The following SLC24A3 variants were observed in gnomAD, a reference collection of about 807,000 sequenced individuals.
SLC24A3 encodes the protein sodium/potassium/calcium exchanger 3.
SLC24A3 carries 28 observed loss-of-function variants against 75.8 expected under a neutral mutation model. The ratio of observed to expected loss-of-function variants is 0.37; its 90% confidence interval spans 0.27 to 0.51. The LOEUF is 0.51. Ranked by LOEUF, SLC24A3 falls within the 20% of genes least tolerant of loss-of-function variation. SLC24A3 has a pLI of 0.94. For missense variants in SLC24A3, 663 were observed against 847.8 expected (o/e 0.78, Z 2.71); for synonymous variants, 372 against 334.1 (o/e 1.11, Z -1.24).
intron 2 of SLC24A3, among the ~76,000 whole-genome samples, chr20:19,510,491 C>T (rs75845155): frequency 2.0e-5 from 3 of 152,110 alleles, no homozygotes; most frequent in Non-Finnish European, 4.4e-5. Flanking sequence ...AAGGAGGCTT[C>T]GGAGATGCTG....
chr20:19,248,280 G>A lies in SLC24A3; in HGVS notation c.143-32679G>A, dbSNP rs115466442. ...TTTCAAAGAGAATTCTGTGTGCCCC[G>A]CATCCCGTTCATCATGCTGCAGTAG... On this transcript the variant is annotated intron_variant, in intron 1 of 16. Coordinates refer to ENST00000328041, the MANE Select transcript of SLC24A3 (RefSeq NM_020689.4). 7.8e-3 allele frequency among the ~76,000 whole-genome samples: 1,187 copies of A among 152,208 alleles called. 19 individuals are homozygous for A. Among genetic ancestry groups the A allele is most frequent in the African/African-American group, 0.027 (1,137 of 41,526 alleles).
intron 15 of SLC24A3, among the ~76,000 whole-genome samples, chr20:19,706,381 A>C (rs564419636): frequency 6.6e-6 from 1 of 152,308 alleles, no homozygotes; most frequent in African/African-American, 2.4e-5. Context: ...AGGGCTGCCT[A>C]TACAGAAGTT....
At chr20:19,280,879 C>A in intron 1 of SLC24A3, 80 bp from the exon 2 acceptor site, 1 of 1,518,060 alleles carries the variant, frequency 6.6e-7, no homozygotes, top group South Asian at 1.3e-5. Flanking sequence ...GATGGCTGAT[C>A]AGGGCAGCGG....
intron 6 of SLC24A3, among the ~76,000 whole-genome samples, chr20:19,647,008 TC>T (rs1686521157): frequency 6.6e-6 from 1 of 152,164 alleles, no homozygotes; most frequent in South Asian, 2.1e-4. Flanking sequence ...AACCTGCATT[TC>T]TTTGTCTGGG....
At chr20:19,333,859 A>G (rs1985062555) in intron 2 of SLC24A3, among the ~76,000 whole-genome samples, 1 of 152,158 alleles carries the variant, frequency 6.6e-6, no homozygotes, top group Non-Finnish European at 1.5e-5. Context: ...TTTTGAATGT[A>G]GCCATAAGGT....
Position 19,721,206 on chromosome 20 carries a change from C to G in SLC24A3, c.*66C>G. On this transcript the variant is annotated 3_prime_UTR_variant, in exon 17 of 17. Transcript: ENST00000328041. ...TGCAATACGAGACCCGGCCGCACCC[C>G]GAGTCACACAGGCCCCCGGGGCCAC... 1 of 1,587,730 alleles carries G rather than the reference C, an allele frequency of 6.3e-7. No homozygotes were observed. Among genetic ancestry groups the G allele is most frequent in the Middle Eastern group, 1.7e-4 (1 of 5,850 alleles).
At chr20:19,682,062 G>C (rs1259611418) in intron 10 of SLC24A3, 71 bp downstream of exon 10, 2 of 1,508,270 alleles carry the variant, frequency 1.3e-6, no homozygotes, top group East Asian at 4.5e-5. Flanking sequence ...AGACCAGCCT[G>C]GCCAACATGG....
At chr20:19,317,036 T>G (rs954012768) in intron 2 of SLC24A3, among the ~76,000 whole-genome samples, 3 of 151,924 alleles carry the variant, frequency 2.0e-5, no homozygotes, top group African/African-American at 4.8e-5. Flanking sequence ...CCATCTGACC[T>G]TTGACAAACC....
chr20:19,677,468 T>TCTGCAGAATTTTGA (rs2032538018), intron 9 of SLC24A3, among the ~76,000 whole-genome samples: 1 of 152,090 alleles, frequency 6.6e-6, no homozygotes, highest in Non-Finnish European at 1.5e-5. Context: ...TTTGAATATA[T>TCTGCAGAATTTTGA]ACAGGAGTCT....
chr20:19,680,240 G>T (rs550862817), intron 9 of SLC24A3, among the ~76,000 whole-genome samples: 2 of 151,716 alleles, frequency 1.3e-5, no homozygotes, highest in Admixed American at 6.6e-5. Context: ...ATGAAGTTTG[G>T]CTGTTTGCTC....
chr20:19,381,166 T>C (rs1034146891), intron 2 of SLC24A3, among the ~76,000 whole-genome samples: 2 of 152,260 alleles, frequency 1.3e-5, no homozygotes, highest in Non-Finnish European at 2.9e-5. Context: ...ATTCATTTAT[T>C]CATTCAATTC....
chr20:19,613,085 C>G (rs928994269), intron 6 of SLC24A3, among the ~76,000 whole-genome samples: 16 of 152,202 alleles, frequency 1.1e-4, no homozygotes, highest in African/African-American at 3.9e-4. Flanking sequence ...TTGGTAAGGT[C>G]TTTTGTGGTC....
intron 2 of SLC24A3, among the ~76,000 whole-genome samples, chr20:19,506,304 T>C (rs565360604): frequency 1.3e-5 from 2 of 152,362 alleles, no homozygotes; most frequent in South Asian, 4.1e-4. Context: ...CTCTAGGCCA[T>C]CTGTTCCCAT....
chr20:19,686,636 G>C (rs1253641278), intron 12 of SLC24A3, among the ~76,000 whole-genome samples: 1 of 152,186 alleles, frequency 6.6e-6, no homozygotes, highest in East Asian at 1.9e-4. Context: ...CCGAGTGTCA[G>C]AGTCCTGTGT....
At chr20:19,535,238 A>AT (rs1265713273) in intron 3 of SLC24A3, among the ~76,000 whole-genome samples, 6 of 152,162 alleles carry the variant, frequency 3.9e-5, no homozygotes, top group African/African-American at 4.8e-5. Flanking sequence ...ACCAATGGCT[A>AT]TTTTTTTAAC....
intron 1 of SLC24A3, among the ~76,000 whole-genome samples, chr20:19,220,948 G>A (rs993133985): frequency 3.3e-5 from 5 of 152,212 alleles, no homozygotes; most frequent in Non-Finnish European, 5.9e-5. Flanking sequence ...ATTGAGGTAC[G>A]AAATACACTG....
At chr20:19,673,025 T>G (rs1487572495) in intron 8 of SLC24A3, among the ~76,000 whole-genome samples, 2 of 152,232 alleles carry the variant, frequency 1.3e-5, no homozygotes, top group African/African-American at 4.8e-5. Context: ...TTCAGACTAT[T>G]AGAAGCTCAA....
intron 2 of SLC24A3, among the ~76,000 whole-genome samples, chr20:19,333,498 T>G (rs1277399761): frequency 1.3e-5 from 2 of 152,064 alleles, no homozygotes; most frequent in African/African-American, 4.8e-5. Flanking sequence ...ACCAAAGCGG[T>G]TTGTGGTATC....
At chr20:19,448,811 C>A (rs940318622) in intron 2 of SLC24A3, among the ~76,000 whole-genome samples, 7 of 152,232 alleles carry the variant, frequency 4.6e-5, no homozygotes, top group Non-Finnish European at 8.8e-5. Flanking sequence ...CCATGCAAAG[C>A]CACTTAGCAC....
Sources: allele counts gnomAD v4.1 joint callset (sites outside exome capture counted in the v4.1 genomes callset), GRCh38; gene constraint gnomAD v4.1.1; transcripts MANE v1.5; gene names NCBI Gene and HGNC (gene_info 2026-07-23, HGNC 2026-07-21).